ABCC4: variants seen among roughly 807,000 people sequenced by gnomAD.
ABCC4 encodes ATP binding cassette subfamily C member 4 (PEL blood group), also known as ATP-binding cassette sub-family C member 4.
A neutral mutation model predicts 168.5 loss-of-function variants in ABCC4; 102 were observed. That is an observed-to-expected ratio of 0.61 (90% CI 0.52 to 0.71). ABCC4 has a LOEUF of 0.71. Ranked by LOEUF, ABCC4 falls within the 30% of genes least tolerant of loss-of-function variation. ABCC4 has a pLI of 0.00. For missense variants in ABCC4, 1,402 were observed against 1,605.8 expected (o/e 0.87, Z 2.17); for synonymous variants, 617 against 590.7 (o/e 1.04, Z -0.65).
intron 29 of ABCC4, among the ~76,000 whole-genome samples, chr13:95,039,357 C>G (rs542337933): frequency 2.6e-5 from 4 of 152,194 alleles, no homozygotes; most frequent in African/African-American, 9.6e-5. Context: ...CTGATTTGAC[C>G]AAAGATTCTA....
At chr13:95,050,742 T>A (rs1305653025) in intron 27 of ABCC4, among the ~76,000 whole-genome samples, 2 of 152,222 alleles carry the variant, frequency 1.3e-5, no homozygotes, top group African/African-American at 4.8e-5. Context: ...CTTGAGAGGC[T>A]ACTAAATTTT....
chr13:95,263,378 T>C (rs1837249868), intron 1 of ABCC4, among the ~76,000 whole-genome samples: 2 of 152,194 alleles, frequency 1.3e-5, no homozygotes, highest in Admixed American at 6.5e-5. Context: ...AGAGCTCCAC[T>C]AGTAACAAGA....
intron 13 of ABCC4, among the ~76,000 whole-genome samples, chr13:95,173,272 G>A (rs1460131467): frequency 6.6e-6 from 1 of 152,240 alleles, no homozygotes; most frequent in African/African-American, 2.4e-5. Context: ...AGGTGCAATG[G>A]TCCCGGGGCA....
chr13:95,162,555 G>A (rs2037132772), intron 18 of ABCC4, among the ~76,000 whole-genome samples: 2 of 152,132 alleles, frequency 1.3e-5, no homozygotes, highest in Admixed American at 1.3e-4. Flanking sequence ...AGAAATAGAA[G>A]GCATCCTAAT....
At chr13:95,102,489 G>A (rs374916210) in intron 20 of ABCC4, among the ~76,000 whole-genome samples, 12 of 151,920 alleles carry the variant, frequency 7.9e-5, no homozygotes, top group Non-Finnish European at 1.8e-4. Context: ...TCACTATGTC[G>A]CCCAGGCTGG....
intron 19 of ABCC4, among the ~76,000 whole-genome samples, chr13:95,121,426 TTTTTG>T (rs905763731): frequency 7.1e-6 from 1 of 140,484 alleles, no homozygotes; most frequent in African/African-American, 2.7e-5. Flanking sequence ...ATGGGGTTTT[TTTTTG>T]TTTTTTTTTT....
chr13:95,225,149 TCTCTCA>T (rs112802975), intron 4 of ABCC4, among the ~76,000 whole-genome samples: 105 of 100,226 alleles, frequency 1.0e-3, no homozygotes, highest in Middle Eastern at 9.9e-3. Context: ...TGTCTCTCTC[TCTCTCA>T]CACACACACA....
intron 4 of ABCC4, among the ~76,000 whole-genome samples, chr13:95,215,723 A>C (rs1394044305): frequency 6.6e-6 from 1 of 152,240 alleles, no homozygotes; most frequent in Non-Finnish European, 1.5e-5. Flanking sequence ...GAATATTAAC[A>C]ATATTTCTAA....
chr13:95,152,062 C>A (rs899498), intron 19 of ABCC4, among the ~76,000 whole-genome samples: 54,916 of 151,886 alleles, frequency 0.36, 10,775 homozygotes, highest in African/African-American at 0.53. Flanking sequence ...ACTAAACCCC[C>A]AAAAAAGTTA....
intron 4 of ABCC4, among the ~76,000 whole-genome samples, chr13:95,211,932 C>T (rs1225497174): frequency 1.3e-5 from 2 of 152,090 alleles, no homozygotes; most frequent in Non-Finnish European, 2.9e-5. Context: ...GTAATCCCAG[C>T]ACTTAGTGGG....
Position 95,020,996 on chromosome 13 carries a change from ATT to A in ABCC4, c.*577_*578del, listed in dbSNP as rs4148552. ...CCTTCTATCCTTTAACCATGTATCC[ATT>A]TTTTTTTTTGATGGGGAGTAAGGGG... On this transcript the variant is annotated 3_prime_UTR_variant, in exon 31 of 31. Coordinates refer to ENST00000645237, the MANE Select transcript of ABCC4 (RefSeq NM_005845.5). The A allele has an allele frequency of 9.3e-5, 14 of 149,884 alleles. No individual in the cohort carries two copies. The highest frequency in any genetic ancestry group is 2.1e-4 in the South Asian group (1 of 4,716). The allele number at this position is 149,884 out of a possible 1,614,324, so 9.3% of individuals were successfully genotyped here. A position where few individuals can be genotyped will look rare whatever the true frequency, so the allele number is the denominator to read the frequency against.
chr13:95,046,638 G>A (rs1458199725), intron 27 of ABCC4, among the ~76,000 whole-genome samples: 1 of 152,010 alleles, frequency 6.6e-6, no homozygotes, highest in East Asian at 1.9e-4. Context: ...CATGGTGGCG[G>A]GCACTTGTAA....
rs2034450768 is a variant in ABCC4 at position 95,092,003 on chromosome 13, G to C, written c.2536-8713C>G. Among the ~76,000 whole-genome samples, 2 of 152,048 alleles carry C rather than the reference G, an allele frequency of 1.3e-5. 1 individual carries two copies. Among genetic ancestry groups the C allele is most frequent in the Non-Finnish European group, 2.9e-5 (2 of 67,986 alleles). On this transcript the variant is annotated intron_variant, in intron 20 of 30. Transcript: ENST00000645237. Reference sequence around the variant, plus strand: ...GCAAATCGACATGAAACACAGCAGGGGCAGCTATTCTTATATCAGACAAAA... The same window carrying C: ...GCAAATCGACATGAAACACAGCAGGCGCAGCTATTCTTATATCAGACAAAA...
chr13:95,105,977 C>T lies in ABCC4; in HGVS notation c.2535+9945G>A, dbSNP rs112820524. Among the ~76,000 whole-genome samples the T allele has an allele frequency of 3.1e-3, 472 of 152,290 alleles. 4 individuals carry two copies. The highest frequency in any genetic ancestry group is 0.01 in the African/African-American group (416 of 41,556). ...TGCACAGGGTAAGCCGGTTACCGGC[C>T]TCGCTGATTTTCAGTAAAGCCCATC... On this transcript the variant is annotated intron_variant, in intron 20 of 30. Coordinates refer to ENST00000645237, the MANE Select transcript of ABCC4 (RefSeq NM_005845.5).
At chr13:95,150,871 T>C (rs1026833016) in intron 19 of ABCC4, among the ~76,000 whole-genome samples, 2 of 152,222 alleles carry the variant, frequency 1.3e-5, no homozygotes, top group Admixed American at 1.3e-4. Flanking sequence ...CTAGAAATTG[T>C]TGTGAGTCCA....
chr13:95,081,393 C>T (rs2034091054), intron 21 of ABCC4, among the ~76,000 whole-genome samples: 1 of 152,224 alleles, frequency 6.6e-6, no homozygotes, highest in African/African-American at 2.4e-5. Context: ...TCTCGAATAA[C>T]TTCATTTCAT....
intron 19 of ABCC4, among the ~76,000 whole-genome samples, chr13:95,131,743 GAA>G (rs1252883500): frequency 6.6e-6 from 1 of 152,066 alleles, no homozygotes; most frequent in Non-Finnish European, 1.5e-5. Context: ...GAAAATAAAG[GAA>G]GTCACTACCT....
At chr13:95,077,371 C>T (rs909412712) in intron 21 of ABCC4, among the ~76,000 whole-genome samples, 1 of 152,086 alleles carries the variant, frequency 6.6e-6, no homozygotes, top group Non-Finnish European at 1.5e-5. Flanking sequence ...CAGGGTCTCA[C>T]TCTGTCACCC....
intron 1 of ABCC4, among the ~76,000 whole-genome samples, chr13:95,272,074 C>T (rs9561824): frequency 0.18 from 26,665 of 149,612 alleles, 3,076 homozygotes; most frequent in East Asian, 0.42. Context: ...GACGAACTTT[C>T]GCTCTTGTTG....
Sources: allele counts gnomAD v4.1 joint callset (sites outside exome capture counted in the v4.1 genomes callset), GRCh38; gene constraint gnomAD v4.1.1; transcripts MANE v1.5; gene names NCBI Gene and HGNC (gene_info 2026-07-23, HGNC 2026-07-21).